PTPRG: variants seen among roughly 807,000 people sequenced by gnomAD.
PTPRG encodes protein tyrosine phosphatase receptor type G.
In PTPRG, 102 loss-of-function variants were observed where a neutral mutation model predicts 165.3. The observed-to-expected ratio is 0.62, with a 90% CI of 0.53 to 0.73. The LOEUF (loss-of-function observed/expected upper bound fraction) is 0.73, where lower values mean the gene tolerates loss of function less well. Ranked by LOEUF, PTPRG falls within the 30% of genes least tolerant of loss-of-function variation. PTPRG has a pLI of 0.00. For synonymous variants in PTPRG, 675 were observed against 669.5 expected, an observed-to-expected ratio of 1.01 and a Z score of -0.13; for missense variants, 1,866 against 1,861.4, an observed-to-expected ratio of 1.00 and a Z score of -0.05.
intron 1 of PTPRG, among the ~76,000 whole-genome samples, chr3:61,572,886 T>G (rs1332579744): frequency 4.6e-5 from 7 of 152,240 alleles, no homozygotes; most frequent in African/African-American, 1.7e-4. Context: ...GTGATTTTCC[T>G]GAGGGACAGA....
intron 2 of PTPRG, among the ~76,000 whole-genome samples, chr3:61,969,839 A>G (rs1380539865): frequency 1.3e-5 from 2 of 152,170 alleles, no homozygotes; most frequent in Non-Finnish European, 2.9e-5. Context: ...TTCCCCTTGG[A>G]AAGCTGCACT....
At chr3:62,236,451 G>A (rs552945282) in intron 14 of PTPRG, among the ~76,000 whole-genome samples, 2 of 152,166 alleles carry the variant, frequency 1.3e-5, no homozygotes, top group Non-Finnish European at 2.9e-5. Flanking sequence ...ATTTACAAAA[G>A]TAGATATTAA....
chr3:62,207,086 T>C (rs962055124), intron 12 of PTPRG, among the ~76,000 whole-genome samples: 1 of 152,158 alleles, frequency 6.6e-6, no homozygotes, highest in African/African-American at 2.4e-5. Context: ...TGGTGATGAT[T>C]GTTTAAGCCA....
intron 2 of PTPRG, among the ~76,000 whole-genome samples, chr3:61,962,678 A>G (rs576539640): frequency 5.3e-5 from 8 of 151,902 alleles, no homozygotes; most frequent in African/African-American, 1.7e-4. Context: ...TGAATTATGT[A>G]TGCATTATTT....
chr3:61,761,970 G>GT (rs1390804361), intron 2 of PTPRG, among the ~76,000 whole-genome samples: 1 of 152,126 alleles, frequency 6.6e-6, no homozygotes, highest in African/African-American at 2.4e-5. Flanking sequence ...CATGCCATTA[G>GT]TACACTGAGT....
Position 61,927,437 on chromosome 3 carries a change from A to G in PTPRG, c.191-62188A>G, listed in dbSNP as rs1047926541. ...AACTGTGGAGAGAGGCCTATTGGAG[A>G]TGGTCCCTGCCAGTTGGGCAGCTCT... On this transcript the variant is annotated intron_variant, in intron 2 of 29. Coordinates refer to ENST00000474889, the MANE Select transcript of PTPRG (RefSeq NM_002841.4). Among the ~76,000 whole-genome samples the G allele has an allele frequency of 2.8e-4, 43 of 152,098 alleles. 1 individual carries two copies. The highest frequency in any genetic ancestry group is 5.9e-5 in the Non-Finnish European group (4 of 68,022).
chr3:61,955,127 A>G (rs1186156498), intron 2 of PTPRG, among the ~76,000 whole-genome samples: 1 of 152,168 alleles, frequency 6.6e-6, no homozygotes, highest in Non-Finnish European at 1.5e-5. Flanking sequence ...ATGGATAAGA[A>G]TTACTGACTG....
At chr3:61,991,416 G>C (rs1263285509) in intron 3 of PTPRG, among the ~76,000 whole-genome samples, 1 of 152,122 alleles carries the variant, frequency 6.6e-6, no homozygotes, top group Non-Finnish European at 1.5e-5. Flanking sequence ...ATGTTGGCCT[G>C]ACTGGTCTCG....
intron 23 of PTPRG, among the ~76,000 whole-genome samples, chr3:62,274,165 G>A (rs1157824206): frequency 6.6e-6 from 1 of 151,986 alleles, no homozygotes; most frequent in African/African-American, 2.4e-5. Context: ...TATTTTTTCT[G>A]AACTAATCTA....
chr3:61,752,129 G>A lies in PTPRG; in HGVS notation c.190+3147G>A, dbSNP rs578047996. Reference sequence around the variant, plus strand: ...TGGTTTTGGAATGCACAAGTGTCGCGATTGACAGTGGGTGATGACTGGATA... The same window carrying A: ...TGGTTTTGGAATGCACAAGTGTCGCAATTGACAGTGGGTGATGACTGGATA... On this transcript the variant is annotated intron_variant, in intron 2 of 29. Coordinates refer to ENST00000474889, the MANE Select transcript of PTPRG (RefSeq NM_002841.4). 2.6e-5 allele frequency among the ~76,000 whole-genome samples: 4 copies of A among 152,252 alleles called. 1 individual carries two copies. In the South Asian group the frequency reaches 8.3e-4, roughly 32 times the overall value.
intron 4 of PTPRG, among the ~76,000 whole-genome samples, chr3:62,023,833 A>G (rs945258751): frequency 1.3e-5 from 2 of 152,158 alleles, no homozygotes; most frequent in African/African-American, 4.8e-5. Context: ...CCCTCAGTAA[A>G]TATGAAGTTT....
intron 2 of PTPRG, among the ~76,000 whole-genome samples, chr3:61,944,883 C>T (rs755455532): frequency 1.3e-5 from 2 of 152,184 alleles, no homozygotes; most frequent in East Asian, 1.9e-4. Context: ...CTTCCTCCCA[C>T]CTGCACCTGG....
chr3:62,006,657 C>T (rs1380454719), intron 4 of PTPRG, among the ~76,000 whole-genome samples: 1 of 152,158 alleles, frequency 6.6e-6, no homozygotes. Context: ...TGGTAGAGTA[C>T]AGCTATGGTT....
Position 62,296,780 on chromosome 3 carries a change from G to C in PTPRG, c.*3473G>C, listed in dbSNP as rs1228379712. 2 of 151,942 alleles carry C rather than the reference G, an allele frequency of 1.3e-5. No homozygotes were observed. The highest frequency in any genetic ancestry group is 2.1e-4 in the South Asian group (1 of 4,812). The allele number at this position is 151,942 out of a possible 1,614,324, so 9.4% of individuals were successfully genotyped here. The stretch of plus-strand genomic sequence containing the variant: ...GGCATGCTACAAATAGGAAGGAATT[G>C]TAATAATGATATTTGGCCTCTACTT... On this transcript the variant is annotated 3_prime_UTR_variant, in exon 30 of 30. Coordinates refer to ENST00000474889, the MANE Select transcript of PTPRG (RefSeq NM_002841.4).
chr3:62,065,344 T>C (rs1222456286), intron 4 of PTPRG, among the ~76,000 whole-genome samples: 2 of 152,182 alleles, frequency 1.3e-5, no homozygotes, highest in Non-Finnish European at 2.9e-5. Context: ...GTGTACCGCA[T>C]GAGACCAGGG....
chr3:61,706,050 G>T lies in PTPRG; in HGVS notation c.86-42828G>T, dbSNP rs151119198. Among the ~76,000 whole-genome samples the T allele has an allele frequency of 3.7e-4, 56 of 152,158 alleles. 1 individual carries two copies. The Middle Eastern group carries it at 0.034, about 92-fold the overall frequency. The stretch of plus-strand genomic sequence containing the variant: ...TCCCCCAAGTGTCCTCCCCACTTCG[G>T]GTCTGCAGAAAAATGATTGATTATG... On this transcript the variant is annotated intron_variant, in intron 1 of 29. Coordinates refer to ENST00000474889, the MANE Select transcript of PTPRG (RefSeq NM_002841.4).
intron 2 of PTPRG, among the ~76,000 whole-genome samples, chr3:61,841,810 TCAAAAA>T (rs904939512): frequency 1.8e-4 from 28 of 151,616 alleles, no homozygotes; most frequent in Admixed American, 1.5e-3. Context: ...AGACTCCATC[TCAAAAA>T]CAAAAACAAA....
At chr3:61,973,792 C>G (rs1575838896) in intron 2 of PTPRG, among the ~76,000 whole-genome samples, 1 of 152,074 alleles carries the variant, frequency 6.6e-6, no homozygotes, top group East Asian at 1.9e-4. Context: ...AAGATGGCTT[C>G]TCTGCACTCC....
chr3:61,653,408 TA>T, intron 1 of PTPRG, among the ~76,000 whole-genome samples: 1 of 152,308 alleles, frequency 6.6e-6, no homozygotes. Flanking sequence ...TGATCCTCCA[TA>T]AATGGGCCAG....
Sources: gnomAD v4.1 joint callset for allele counts (sites outside exome capture counted in the v4.1 genomes callset) on GRCh38, gnomAD v4.1.1 for gene constraint, MANE v1.5 for transcripts, NCBI Gene and HGNC (gene_info 2026-07-23, HGNC 2026-07-21) for gene names.